The following IL1R1 variants were observed in gnomAD, a reference collection of about 807,000 sequenced individuals.
IL1R1 encodes the protein interleukin-1 receptor type 1.
IL1R1 carries 22 observed loss-of-function variants against 50.2 expected under a neutral mutation model. The observed-to-expected ratio is 0.44, with a 90% CI of 0.31 to 0.63. The LOEUF is 0.63. Ranked by LOEUF, IL1R1 falls within the 20% of genes least tolerant of loss-of-function variation. The pLI, the probability that IL1R1 is intolerant of heterozygous loss-of-function variation, is 0.07. For synonymous variants in IL1R1, 251 were observed against 236.7 expected, an observed-to-expected ratio of 1.06 and a Z score of -0.55; for missense variants, 509 against 676.2, an observed-to-expected ratio of 0.75 and a Z score of 2.74.
At chr2:102,155,691 A>G (rs1684121613) in intron 2 of IL1R1, among the ~76,000 whole-genome samples, 1 of 152,130 alleles carries the variant, frequency 6.6e-6, no homozygotes, top group African/African-American at 2.4e-5. Flanking sequence ...ACTGTTTCCC[A>G]GAGCAGCTCT....
At chr2:102,081,058 A>G (rs982924801) in intron 1 of IL1R1, among the ~76,000 whole-genome samples, 1 of 152,150 alleles carries the variant, frequency 6.6e-6, no homozygotes, top group African/African-American at 2.4e-5. Flanking sequence ...GGCTAGAAGA[A>G]AGGGGAACGA....
At chr2:102,117,789 G>A (rs1303055401) in intron 1 of IL1R1, among the ~76,000 whole-genome samples, 1 of 152,090 alleles carries the variant, frequency 6.6e-6, no homozygotes, top group Non-Finnish European at 1.5e-5. Flanking sequence ...CCAGTGTTCC[G>A]AGTGCTTGAG....
chr2:102,134,621 G>A (rs1035352857), intron 1 of IL1R1, among the ~76,000 whole-genome samples: 11 of 151,802 alleles, frequency 7.2e-5, no homozygotes, highest in South Asian at 4.2e-4. Flanking sequence ...TAGGTGATCC[G>A]TCCACCTCGG....
chr2:102,121,203 G>A lies in IL1R1; in HGVS notation c.-84+16331G>A, dbSNP rs555144305. Among the ~76,000 whole-genome samples, 16 of 152,248 alleles carry A rather than the reference G, an allele frequency of 1.1e-4. 1 individual carries two copies. The East Asian group carries it at 2.3e-3, about 22-fold the overall frequency. ...AGGGGTCTGGGACATCCAGCCACCC[G>A]GTGCTGACCACCATGGACTTTGCTG... On this transcript the variant is annotated intron_variant, in intron 1 of 10. Coordinates refer to the IL1R1 transcript ENST00000409329.
intron 1 of IL1R1, among the ~76,000 whole-genome samples, chr2:102,124,360 C>G (rs1352328495): frequency 6.6e-6 from 1 of 151,748 alleles, no homozygotes; most frequent in Non-Finnish European, 1.5e-5. Context: ...GTGGAGGATG[C>G]AGTGAGCTGA....
At chr2:102,114,015 T>C (rs1680925260) in intron 1 of IL1R1, among the ~76,000 whole-genome samples, 1 of 152,170 alleles carries the variant, frequency 6.6e-6, no homozygotes, top group Non-Finnish European at 1.5e-5. Flanking sequence ...GAAACACTAG[T>C]TTATGGAAGA....
At chr2:102,075,125 A>T (rs1262801952) in intron 1 of IL1R1, among the ~76,000 whole-genome samples, 1 of 152,210 alleles carries the variant, frequency 6.6e-6, no homozygotes, top group Non-Finnish European at 1.5e-5. Flanking sequence ...CAGTTATGTG[A>T]CATCCATGGG....
exon 1 of IL1R1, chr2:102,104,688 G>A (rs1050124701): frequency 1.3e-5 from 2 of 152,128 alleles, no homozygotes; most frequent in African/African-American, 2.4e-5. Flanking sequence ...ACTCTGCTGC[G>A]GCACAGACCT....
intron 3 of IL1R1, among the ~76,000 whole-genome samples, chr2:102,161,462 G>A (rs934826827): frequency 6.6e-6 from 1 of 152,154 alleles, no homozygotes; most frequent in Non-Finnish European, 1.5e-5. Flanking sequence ...GGTTGATAGT[G>A]TTGTTCAAAT....
intron 3 of IL1R1, among the ~76,000 whole-genome samples, chr2:102,158,467 GCTGA>G (rs1684404950): frequency 6.6e-6 from 1 of 152,198 alleles, no homozygotes; most frequent in Non-Finnish European, 1.5e-5. Flanking sequence ...TCCCTGAGAA[GCTGA>G]CTTTTGAGTT....
intron 1 of IL1R1, among the ~76,000 whole-genome samples, chr2:102,127,165 A>G (rs1039028379): frequency 6.6e-5 from 10 of 152,168 alleles, no homozygotes; most frequent in Admixed American, 1.3e-4. Flanking sequence ...CTGGGTCTCA[A>G]TCCTTTGAAG....
At chr2:102,176,008 G>T in intron 11 of IL1R1, 1 of 448,974 alleles carries the variant, frequency 2.2e-6, no homozygotes, top group Non-Finnish European at 3.9e-6. Context: ...GTCTTTTGAG[G>T]GCCAATTTTT....
chr2:102,092,941 CAGAA>C, intron 1 of IL1R1, among the ~76,000 whole-genome samples: 1 of 152,136 alleles, frequency 6.6e-6, no homozygotes, highest in African/African-American at 2.4e-5. Flanking sequence ...ACTCAGAGGC[CAGAA>C]AGAGAGATTG....
upstream of IL1R1, among the ~76,000 whole-genome samples, chr2:102,101,159 T>G (rs2104336872): frequency 6.6e-6 from 1 of 152,360 alleles, no homozygotes; most frequent in Admixed American, 6.5e-5. Flanking sequence ...GGGTGGGCCC[T>G]AATGTTCTGC....
intron 1 of IL1R1, among the ~76,000 whole-genome samples, chr2:102,096,294 T>C (rs1415504686): frequency 6.6e-6 from 1 of 152,204 alleles, no homozygotes; most frequent in East Asian, 1.9e-4. Flanking sequence ...AAGCTGAACC[T>C]TCAGATAGGC....
At chr2:102,122,161 C>T (rs2104394472) in intron 1 of IL1R1, among the ~76,000 whole-genome samples, 1 of 152,342 alleles carries the variant, frequency 6.6e-6, no homozygotes, top group Middle Eastern at 3.4e-3. Context: ...GTGTCCATCT[C>T]ACAGGGGCCT....
chr2:102,072,829 G>T (rs897331784), intron 1 of IL1R1, among the ~76,000 whole-genome samples: 2 of 152,048 alleles, frequency 1.3e-5, no homozygotes, highest in South Asian at 2.1e-4. Flanking sequence ...GAAACTATGA[G>T]AAATTTTCCT....
At chr2:102,117,605 T>G (rs928774844) in intron 1 of IL1R1, among the ~76,000 whole-genome samples, 1 of 152,246 alleles carries the variant, frequency 6.6e-6, no homozygotes, top group East Asian at 1.9e-4. Context: ...GTTCCCTGCA[T>G]ATTAATGTAT....
At chr2:102,097,669 T>A (rs1310055954) in intron 1 of IL1R1, among the ~76,000 whole-genome samples, 1 of 152,028 alleles carries the variant, frequency 6.6e-6, no homozygotes, top group Non-Finnish European at 1.5e-5. Context: ...AAAAACATAA[T>A]GTATCAAAAT....
Sources: gnomAD v4.1 joint callset for allele counts (sites outside exome capture counted in the v4.1 genomes callset) on GRCh38, gnomAD v4.1.1 for gene constraint, MANE v1.5 for transcripts, NCBI Gene and HGNC (gene_info 2026-07-23, HGNC 2026-07-21) for gene names.